Variants in PTPN4 observed in about 807,000 individuals in gnomAD.
PTPN4 encodes protein tyrosine phosphatase non-receptor type 4.
PTPN4 carries 49 observed loss-of-function variants against 135.5 expected under a neutral mutation model. The ratio of observed to expected loss-of-function variants is 0.36; its 90% CI spans 0.29 to 0.46. The LOEUF is 0.46. Among genes scored for constraint, PTPN4 ranks in the 20% least tolerant of loss-of-function variants. PTPN4 has a pLI of 1.00. For synonymous variants in PTPN4, 333 were observed against 369.9 expected (o/e 0.90, Z 1.14); for missense variants, 860 against 1,101.0 (o/e 0.78, Z 3.10).
Position 119,945,082 on chromosome 2 carries a change from T to C in PTPN4, c.1357T>C (p.Ser453Pro). Reference protein sequence around the residue: ...ANSIVLESSPSQETPGDGKPP... With the variant: ...ANSIVLESSPPQETPGDGKPP... ...TTCCAAATTTGTTTTCTTGTCTAGA[T>C]CACAAGAGACCCCTGGAGATGGGAA... Residue 453 changes from serine (S) to proline (P), a missense_variant and splice_region_variant, in exon 16 of 27, where the codon TCA becomes CCA. Ser to Pro is a moderately conservative substitution (Grantham distance 74). This residue lies in a region of PTPN4 where 684 missense variants were observed against 807.0 expected (regional missense o/e 0.85). Coordinates refer to ENST00000263708, the MANE Select transcript of PTPN4 (RefSeq NM_002830.4). The C allele has an allele frequency of 6.3e-7, 1 of 1,587,460 alleles. No homozygotes were observed. The highest frequency in any genetic ancestry group is 8.5e-7 in the Non-Finnish European group (1 of 1,171,916).
chr2:119,841,857 G>C (rs570074931), intron 2 of PTPN4, among the ~76,000 whole-genome samples: 1 of 152,252 alleles, frequency 6.6e-6, no homozygotes, highest in South Asian at 2.1e-4. Flanking sequence ...TAAGCTTGCT[G>C]TTGTTTCTTT....
chr2:119,806,632 AC>A (rs1691475403), intron 1 of PTPN4, among the ~76,000 whole-genome samples: 1 of 152,200 alleles, frequency 6.6e-6, no homozygotes, highest in African/African-American at 2.4e-5. Context: ...ATAATGGAAG[AC>A]TTTAACACCC....
At chr2:119,882,665 G>T (rs747451272) in intron 8 of PTPN4, 42 bp downstream of exon 8, 1 of 1,411,700 alleles carries the variant, frequency 7.1e-7, no homozygotes, top group East Asian at 2.4e-5. Flanking sequence ...CTTCTTAATG[G>T]CATTCTTTCT....
At chr2:119,903,516 G>A (rs72971024) in intron 10 of PTPN4, among the ~76,000 whole-genome samples, 3,809 of 151,748 alleles carry the variant, frequency 0.025, 157 homozygotes, top group African/African-American at 0.087. Flanking sequence ...TCCAGACACT[G>A]TTGGAGTCTA....
chr2:119,958,947 C>G (rs1372016025), intron 22 of PTPN4, among the ~76,000 whole-genome samples: 1 of 151,910 alleles, frequency 6.6e-6, no homozygotes, highest in Non-Finnish European at 1.5e-5. Context: ...GCAAAATCAC[C>G]AGTAAAAAAA....
At chr2:119,784,150 A>G (rs1200115059) in intron 1 of PTPN4, among the ~76,000 whole-genome samples, 1 of 151,968 alleles carries the variant, frequency 6.6e-6, no homozygotes, top group Non-Finnish European at 1.5e-5. Flanking sequence ...GGCTTTTCTG[A>G]TGTAGTCTTA....
intron 1 of PTPN4, among the ~76,000 whole-genome samples, chr2:119,793,737 G>A (rs1691195831): frequency 6.6e-6 from 1 of 151,722 alleles, no homozygotes; most frequent in Non-Finnish European, 1.5e-5. Flanking sequence ...GCTTCAGCAG[G>A]TCCCTCTGTT....
intron 1 of PTPN4, among the ~76,000 whole-genome samples, chr2:119,788,236 A>T (rs1691080457): frequency 1.3e-5 from 2 of 152,114 alleles, no homozygotes; most frequent in Admixed American, 1.3e-4. Flanking sequence ...ATGATGGAGG[A>T]AGAAATCCAA....
chr2:119,927,057 G>A (rs1678835342), intron 13 of PTPN4, among the ~76,000 whole-genome samples: 1 of 143,986 alleles, frequency 6.9e-6, no homozygotes, highest in Non-Finnish European at 1.5e-5. Flanking sequence ...TTTATTTTTT[G>A]TTTTTGTTTA....
chr2:119,806,226 C>A (rs1574343853), intron 1 of PTPN4, among the ~76,000 whole-genome samples: 2 of 152,246 alleles, frequency 1.3e-5, no homozygotes, highest in African/African-American at 4.8e-5. Context: ...TCACATATAA[C>A]AATATTAACC....
At position 119,935,042 on chromosome 2, in the gene PTPN4, T is replaced by C. The variant is rs1678961833; in HGVS notation, c.1355+84T>C. The C allele has an allele frequency of 2.1e-6, 3 of 1,405,426 alleles. No homozygotes were observed. The South Asian group carries it at 3.9e-5, about 18-fold the overall frequency. The allele number at this position is 1,405,426 out of a possible 1,614,324, so 87.1% of individuals were successfully genotyped here. On this transcript the variant is annotated intron_variant, in intron 15 of 26. Transcript: ENST00000263708. ...TAAAATAATCTGGGAAATTAGGATA[T>C]TCGATACAAGATTTTAATTATGCAA...
chr2:119,830,765 CCTCT>C (rs1168640868), intron 2 of PTPN4, among the ~76,000 whole-genome samples: 2 of 152,000 alleles, frequency 1.3e-5, no homozygotes, highest in Admixed American at 6.6e-5. Context: ...CCTGGCTCAC[CCTCT>C]CTCTCCTGCA....
intron 4 of PTPN4, 43 bp downstream of exon 4, chr2:119,877,408 TA>T: frequency 6.2e-7 from 1 of 1,608,488 alleles, no homozygotes; most frequent in East Asian, 2.2e-5. Context: ...GTTTACTTTA[TA>T]AAGATAAAGG....
chr2:119,774,290 A>G (rs915782784), intron 1 of PTPN4, among the ~76,000 whole-genome samples: 3 of 152,210 alleles, frequency 2.0e-5, no homozygotes, highest in African/African-American at 7.2e-5. Context: ...ATGGCTTGAT[A>G]TGTACCATAG....
chr2:119,886,099 T>C (rs959646609), intron 9 of PTPN4, among the ~76,000 whole-genome samples: 13 of 152,318 alleles, frequency 8.5e-5, no homozygotes, highest in Non-Finnish European at 1.9e-4. Context: ...TAGTGTTTTA[T>C]ATGTAAAGAT....
intron 26 of PTPN4, 72 bp downstream of exon 26, chr2:119,968,044 A>G: frequency 1.7e-6 from 2 of 1,186,498 alleles, no homozygotes; most frequent in South Asian, 4.8e-5. Context: ...CATATTCTAA[A>G]TCATATTTTT....
chr2:119,879,702 G>C (rs1326359680), intron 5 of PTPN4, among the ~76,000 whole-genome samples: 1 of 152,160 alleles, frequency 6.6e-6, no homozygotes, highest in Non-Finnish European at 1.5e-5. Flanking sequence ...TAATGTGATG[G>C]TTATGATTAG....
chr2:119,971,116 T>C (rs1365199907), intron 26 of PTPN4, among the ~76,000 whole-genome samples: 2 of 152,188 alleles, frequency 1.3e-5, no homozygotes, highest in Non-Finnish European at 2.9e-5. Flanking sequence ...AGAGGCTTAA[T>C]TGACTCACAG....
chr2:119,796,202 T>G (rs1691256028), intron 1 of PTPN4, among the ~76,000 whole-genome samples: 1 of 152,204 alleles, frequency 6.6e-6, no homozygotes, highest in African/African-American at 2.4e-5. Context: ...GCAGCTGGCG[T>G]GATGGCAGTG....
Sources: allele counts gnomAD v4.1 joint callset (sites outside exome capture counted in the v4.1 genomes callset), GRCh38; gene constraint gnomAD v4.1.1; regional missense constraint gnomAD v4.1.1; transcripts MANE v1.5; gene names NCBI Gene and HGNC (gene_info 2026-07-23, HGNC 2026-07-21).